HMCN2: variants seen among roughly 807,000 people sequenced by gnomAD.
The protein encoded by HMCN2 is hemicentin-2.
In HMCN2, 325 loss-of-function variants were observed where a neutral mutation model predicts 377.5. That is an observed-to-expected ratio of 0.86 (90% CI 0.79 to 0.94). The LOEUF (loss-of-function observed/expected upper bound fraction) is 0.94. Ranked by LOEUF, HMCN2 falls within the 40% of genes least tolerant of loss-of-function variation. The pLI, the probability that HMCN2 is intolerant of heterozygous loss-of-function variation, is 0.00. For missense variants in HMCN2, 4,543 were observed against 4,725.3 expected (o/e 0.96, Z 1.13); for synonymous variants, 2,007 against 2,046.8 (o/e 0.98, Z 0.53).
At chr9:130,419,985 C>T (rs1036018495) in intron 86 of HMCN2, among the ~76,000 whole-genome samples, 6 of 152,128 alleles carry the variant, frequency 3.9e-5, no homozygotes, top group South Asian at 2.1e-4. Flanking sequence ...GGTTCTCTGA[C>T]CCCCCAGCCA....
intron 85 of HMCN2, among the ~76,000 whole-genome samples, chr9:130,416,779 C>A (rs1007799621): frequency 6.6e-6 from 1 of 151,862 alleles, no homozygotes; most frequent in Non-Finnish European, 1.5e-5. Context: ...AAGATATGTC[C>A]AGGTCCTAGT....
At chr9:130,337,034 C>T (rs1449204020) in intron 22 of HMCN2, among the ~76,000 whole-genome samples, 2 of 152,142 alleles carry the variant, frequency 1.3e-5, no homozygotes, top group African/African-American at 2.4e-5. Context: ...AGTCCCCCAC[C>T]CCCATGCTGG....
At chr9:130,388,571 T>G in intron 62 of HMCN2, 31 bp downstream of exon 62, 4 of 987,802 alleles carry the variant, frequency 4.0e-6, no homozygotes, top group Non-Finnish European at 4.8e-6. Flanking sequence ...CTGTTTCGCG[T>G]AAAGCATTCC....
At chr9:130,374,850 G>A (rs1021939000) in intron 49 of HMCN2, among the ~76,000 whole-genome samples, 157 bp downstream of exon 49, 1 of 152,208 alleles carries the variant, frequency 6.6e-6, no homozygotes, top group Non-Finnish European at 1.5e-5. Flanking sequence ...TCTATTGACG[G>A]AACATTTATT....
chr9:130,360,373 ATTCCCCCTTGCTTCTCTCTTCCT>A lies in HMCN2; in HGVS notation c.5774-43_5774-21del. ...CCTTTCCCCCTTACTTCTCTCTTCC[ATTCCCCCTTGCTTCTCTCTTCCT>A]TTCCCCCTTGCATCTCTCTTCCTTT... On this transcript the variant is annotated intron_variant, in intron 37 of 97. Coordinates refer to ENST00000683500, the MANE Select transcript of HMCN2 (RefSeq NM_001291815.2). This position sits in a 1 kb window ranked among gnomAD's most constrained non-coding sequence, Gnocchi z 4.7. 4.1e-6 allele frequency: 4 copies of A among 971,580 alleles called. No individual in the cohort carries two copies. Among genetic ancestry groups the A allele is most frequent in the Non-Finnish European group, 5.1e-6 (4 of 788,860 alleles). 60.2% of individuals were successfully genotyped at this position (971,580 alleles called of 1,614,324 possible). A position where few individuals can be genotyped will look rare whatever the true frequency, so the allele number is the denominator to read the frequency against.
In HMCN2 at chr9:130,374,589, T is replaced by TC; in HGVS notation, c.7528dup (p.Leu2510ProfsTer49). The stretch of plus-strand genomic sequence containing the variant: ...CACCACATCTCCCCAGACGGAGTCC[T>TC]CCTGCAGGTCCTCCAGGCAAACCTG... On this transcript the variant is annotated frameshift_variant, in exon 49 of 98. Coordinates refer to ENST00000683500, the MANE Select transcript of HMCN2 (RefSeq NM_001291815.2). LOFTEE classifies it high-confidence loss of function. 1 of 985,704 alleles carries TC rather than the reference T, an allele frequency of 1.0e-6. No homozygotes were observed. Among genetic ancestry groups the TC allele is most frequent in the East Asian group, 1.1e-4 (1 of 8,810 alleles). 61.1% of individuals were successfully genotyped at this position (985,704 alleles called of 1,614,324 possible). A position where few individuals can be genotyped will look rare whatever the true frequency, so the allele number is the denominator to read the frequency against.
chr9:130,367,378 G>A (rs1840751189), intron 43 of HMCN2, among the ~76,000 whole-genome samples: 1 of 152,148 alleles, frequency 6.6e-6, no homozygotes, highest in South Asian at 2.1e-4. Context: ...AGGAAGCAAT[G>A]CCAGGTGGCC....
At chr9:130,382,623 A>C in intron 55 of HMCN2, 56 bp from the exon 56 acceptor site, 1 of 694,884 alleles carries the variant, frequency 1.4e-6, no homozygotes, top group Non-Finnish European at 1.8e-6. Flanking sequence ...CTCCACGGCC[A>C]CCCCCGCCCC....
At chr9:130,430,038 G>A in intron 94 of HMCN2, 2 of 602,142 alleles carry the variant, frequency 3.3e-6, no homozygotes, top group Non-Finnish European at 5.8e-6. Context: ...GAAGGGCTGA[G>A]GGGGAGCTGG....
In HMCN2 at chr9:130,309,996, C is replaced by T. The variant is rs782702280; in HGVS notation, c.2285C>T (p.Thr762Ile). 2 of 533,796 alleles carry T rather than the reference C, an allele frequency of 3.7e-6. No individual in the cohort carries two copies. The highest frequency in any genetic ancestry group is 1.1e-4 in the East Asian group (2 of 18,306). 33.1% of individuals were successfully genotyped at this position (533,796 alleles called of 1,614,324 possible). A position where few individuals can be genotyped will look rare whatever the true frequency, so the allele number is the denominator to read the frequency against. Residue 762 changes from threonine (T) to isoleucine (I), a missense_variant, in exon 15 of 98, where the codon ACC becomes ATC. Around this residue, in one of 5 missense-constraint regions of HMCN2, gnomAD observed 547 missense variants for 189.9 expected, o/e 2.88. Transcript: ENST00000683500. Reference protein sequence around the residue: ...IPAAQERDAGTYTCRAVNELG... With the variant: ...IPAAQERDAGIYTCRAVNELG... ...GCGGCTCAGGAGAGGGATGCTGGCA[C>T]CTACACCTGCCGGGCTGTCAATGAG...
Position 130,351,469 on chromosome 9 carries a change from C to T in HMCN2, c.4477C>T (p.Gln1493Ter). The T allele has an allele frequency of 1.5e-6, 2 of 1,304,276 alleles. No homozygotes were observed. The highest frequency in any genetic ancestry group is 2.0e-6 in the Non-Finnish European group (2 of 988,966). 80.8% of individuals were successfully genotyped at this position (1,304,276 alleles called of 1,614,324 possible). Residue 1493 changes from glutamine (Q) to a stop codon, truncating the protein, a stop_gained, in exon 30 of 98, where the codon CAG becomes TAG. Coordinates refer to ENST00000683500, the MANE Select transcript of HMCN2 (RefSeq NM_001291815.2). LOFTEE classifies it high-confidence loss of function. The surrounding 1 kb of genome is among the most constrained non-coding windows in gnomAD (Gnocchi z 5.4). The stretch of plus-strand genomic sequence containing the variant: ...TCACCTGCAGGTCCAGGAGGATGGC[C>T]AGGTTCTCAGGATCACCGGCAGTCA... ...GPHLQVQEDG[Q>*]VLRITGSHVG...
chr9:130,289,320 C>T (rs190128510), intron 4 of HMCN2, among the ~76,000 whole-genome samples: 179 of 152,110 alleles, frequency 1.2e-3, no homozygotes, highest in African/African-American at 4.2e-3. Context: ...CCTTCTAAGA[C>T]AGTAAGGGCG....
At chr9:130,382,580 C>A in intron 55 of HMCN2, 99 bp from the exon 56 acceptor site, 1 of 335,658 alleles carries the variant, frequency 3.0e-6, no homozygotes, top group Non-Finnish European at 4.2e-6. Flanking sequence ...ATGAGGATCC[C>A]GACCAGCACC....
intron 34 of HMCN2, among the ~76,000 whole-genome samples, chr9:130,357,386 G>GTGGA (rs1415287240): frequency 2.8e-5 from 4 of 144,736 alleles, no homozygotes; most frequent in African/African-American, 5.1e-5. Flanking sequence ...GGATGGATGG[G>GTGGA]TGGATGGATG....
chr9:130,418,573 C>A (rs757278748), intron 85 of HMCN2, among the ~76,000 whole-genome samples, 199 bp from the exon 86 acceptor site: 6 of 152,048 alleles, frequency 3.9e-5, no homozygotes, highest in Non-Finnish European at 8.8e-5. Context: ...GCAGATACGG[C>A]CATATGATCA....
intron 95 of HMCN2, chr9:130,431,025 G>C (rs938543372): frequency 7.1e-6 from 3 of 424,270 alleles, no homozygotes; most frequent in African/African-American, 6.0e-5. Context: ...GGTGGGGGTG[G>C]GGGATGGCCC....
At chr9:130,389,732 G>A (rs1564844532) in intron 62 of HMCN2, among the ~76,000 whole-genome samples, 1 of 151,888 alleles carries the variant, frequency 6.6e-6, no homozygotes, top group African/African-American at 2.4e-5. Context: ...GCACCACCAC[G>A]CCCAGCTAAT....
In HMCN2 at chr9:130,428,401, A is replaced by G. The variant is rs1466747097; in HGVS notation, c.14109A>G (p.Gly4703=). The part of the protein sequence containing the change: ...CAWDAHLCRE[G]QRCVNLLGSY... ...GGGATGCTCACCTCTGCCGAGAGGG[A>G]CAGCGCTGTGTGAACCTGCTCGGGT... Residue 4703 remains glycine, a synonymous_variant, in exon 93 of 98, where the codon GGA becomes GGG. Coordinates refer to ENST00000683500, the MANE Select transcript of HMCN2 (RefSeq NM_001291815.2). The surrounding 1 kb of genome is among the most constrained non-coding windows in gnomAD (Gnocchi z 5.0). 7.1e-6 allele frequency: 11 copies of G among 1,547,992 alleles called. No individual in the cohort carries two copies. Among genetic ancestry groups the G allele is most frequent in the Non-Finnish European group, 8.7e-6 (10 of 1,146,926 alleles).
intron 85 of HMCN2, among the ~76,000 whole-genome samples, chr9:130,411,039 G>A (rs937752923): frequency 1.1e-4 from 16 of 152,190 alleles, no homozygotes; most frequent in African/African-American, 3.4e-4. Flanking sequence ...AACACCTGTG[G>A]AGAAGAGCCA....
Sources: allele counts gnomAD v4.1 joint callset (sites outside exome capture counted in the v4.1 genomes callset), GRCh38; gene constraint gnomAD v4.1.1; regional missense constraint gnomAD v4.1.1; non-coding constraint Gnocchi (gnomAD v3.1); transcripts MANE v1.5; gene names NCBI Gene and HGNC (gene_info 2026-07-23, HGNC 2026-07-21).